The following F2RL3 variants were observed in gnomAD, a reference collection of about 807,000 sequenced individuals.
F2RL3 encodes the protein F2R like thrombin or trypsin receptor 3.
Under a neutral mutation model 4.9 loss-of-function variants are expected in F2RL3, and 3 were observed. That is an observed-to-expected ratio of 0.61 (90% CI 0.28 to 1.58). The LOEUF is 1.58. Ranked by LOEUF, F2RL3 falls within the 40% of genes most tolerant of loss-of-function variation. F2RL3 has a pLI of 0.11. For synonymous variants in F2RL3, 284 were observed against 278.4 expected, an observed-to-expected ratio of 1.02 and a Z score of -0.20; for missense variants, 564 against 550.4, an observed-to-expected ratio of 1.02 and a Z score of -0.25.
Position 16,890,642 on chromosome 19 carries a change from A to G in F2RL3, c.*21A>G. On this transcript the variant is annotated 3_prime_UTR_variant, in exon 2 of 2. Transcript: ENST00000248076. ...AGTGACACAAAGTGGGGAAGGCTGT[A>G]CTGGGTCGAACAGGGTCCCTTCCCC... The G allele has an allele frequency of 2.7e-6, 4 of 1,507,880 alleles. No homozygotes were observed. Among genetic ancestry groups the G allele is most frequent in the Non-Finnish European group, 3.6e-6 (4 of 1,121,654 alleles). 93.4% of individuals were successfully genotyped at this position (1,507,880 alleles called of 1,614,324 possible). A position where few individuals can be genotyped will look rare whatever the true frequency, so the allele number is the denominator to read the frequency against.
chr19:16,889,392 G>A (rs956926419), intron 1 of F2RL3, 94 bp downstream of exon 1: 69 of 1,266,002 alleles, frequency 5.5e-5, no homozygotes, highest in African/African-American at 5.9e-5. Context: ...GGGAAGTTGC[G>A]GGCTTCAGCC....
In F2RL3 at chr19:16,890,649, C is replaced by A; in HGVS notation, c.*28C>A. ...CAAAGTGGGGAAGGCTGTACTGGGTCGAACAGGGTCCCTTCCCCCACTTCA... is the reference window on the plus strand; with the variant it reads ...CAAAGTGGGGAAGGCTGTACTGGGTAGAACAGGGTCCCTTCCCCCACTTCA... On this transcript the variant is annotated 3_prime_UTR_variant, in exon 2 of 2. Coordinates refer to ENST00000248076, the MANE Select transcript of F2RL3 (RefSeq NM_003950.4). 6.8e-7 allele frequency: 1 copy of A among 1,473,050 alleles called. No homozygotes were observed. The highest frequency in any genetic ancestry group is 1.2e-5 in the South Asian group (1 of 80,404). 91.2% of individuals were successfully genotyped at this position (1,473,050 alleles called of 1,614,324 possible). A position where few individuals can be genotyped will look rare whatever the true frequency, so the allele number is the denominator to read the frequency against.
Position 16,889,372 on chromosome 19 carries a change from G to A in F2RL3, c.109+74G>A, listed in dbSNP as rs971271397. The stretch of plus-strand genomic sequence containing the variant: ...GGAGCTGGGGGCCCGGAGCTGGGGA[G>A]GGGGAGGCCGGGAAGTTGCGGGCTT... On this transcript the variant is annotated intron_variant, in intron 1 of 1. Transcript: ENST00000248076. The A allele has an allele frequency of 1.0e-5, 14 of 1,355,054 alleles. No individual in the cohort carries two copies. In the African/African-American group the frequency reaches 1.2e-4, roughly 11 times the overall value. The allele number at this position is 1,355,054 out of a possible 1,614,324, so 83.9% of individuals were successfully genotyped here.
chr19:16,889,500 G>A (rs2051757964), intron 1 of F2RL3, 73 bp from the exon 2 acceptor site: 2 of 1,420,444 alleles, frequency 1.4e-6, no homozygotes, highest in African/African-American at 1.4e-5. Flanking sequence ...CCCAGGCTCT[G>A]AGCACCTCCC....
In F2RL3 at chr19:16,890,748, C is replaced by G; in HGVS notation, c.*127C>G. The G allele has an allele frequency of 1.3e-6, 1 of 749,784 alleles. No homozygotes were observed. The highest frequency in any genetic ancestry group is 2.7e-5 in the East Asian group (1 of 37,278). 46.4% of individuals were successfully genotyped at this position (749,784 alleles called of 1,614,324 possible). ...TTACAACTGTCACTAGCGGAGGTCA[C>G]TTTGGAGAAGGGTGGGCCTTACATC... On this transcript the variant is annotated 3_prime_UTR_variant, in exon 2 of 2. Transcript: ENST00000248076.
In F2RL3 at chr19:16,889,243, C is replaced by A. The variant is rs751612733; in HGVS notation, c.54C>A (p.Gly18=). 4.2e-5 allele frequency: 67 copies of A among 1,593,758 alleles called. No homozygotes were observed. The Middle Eastern group carries it at 2.7e-3, about 63-fold the overall frequency. Residue 18 remains glycine (G), a synonymous_variant, in exon 1 of 2, where the codon GGC becomes GGA. Coordinates refer to ENST00000248076, the MANE Select transcript of F2RL3 (RefSeq NM_003950.4). ...TGGTGCTGGGGTTCAGCCTGTCTGG[C>A]GGCACCCAGACCCCCAGCGTCTACG... ...WPLVLGFSLS[G]GTQTPSVYDE... is the part of the protein sequence containing the mutation.
In F2RL3 at chr19:16,889,069, C is replaced by G; in HGVS notation, c.-121C>G. On this transcript the variant is annotated 5_prime_UTR_variant, in exon 1 of 2. Coordinates refer to ENST00000248076, the MANE Select transcript of F2RL3 (RefSeq NM_003950.4). ...GGTGGGTCTGCGGGGGCAGGGGCAG[C>G]CTTCCTGGTTTATCTCTACCGGCGC... 5.7e-6 allele frequency: 4 copies of G among 706,072 alleles called. No individual in the cohort carries two copies. The highest frequency in any genetic ancestry group is 8.8e-6 in the Non-Finnish European group (4 of 454,560). The allele number at this position is 706,072 out of a possible 1,614,324, so 43.7% of individuals were successfully genotyped here.
In F2RL3 at chr19:16,890,322, G is replaced by A. The variant is rs773093267; in HGVS notation, c.859G>A (p.Val287Met). ...RYGHALRLTA[V>M]VLASAVAFFV... Reference sequence around the variant, plus strand: ...CGGCCACGCGCTGAGGCTGACCGCAGTGGTGCTGGCCTCCGCCGTGGCCTT... The same window carrying A: ...CGGCCACGCGCTGAGGCTGACCGCAATGGTGCTGGCCTCCGCCGTGGCCTT... Residue 287 changes from valine to methionine, a missense_variant, in exon 2 of 2, where the codon GTG becomes ATG. Coordinates refer to ENST00000248076, the MANE Select transcript of F2RL3 (RefSeq NM_003950.4). 3 of 1,586,518 alleles carry A rather than the reference G, an allele frequency of 1.9e-6. No individual in the cohort carries two copies. The South Asian group carries it at 3.4e-5, about 18-fold the overall frequency.
chr19:16,889,362 G>A (rs1023723540), intron 1 of F2RL3, 64 bp downstream of exon 1: 7 of 1,416,556 alleles, frequency 4.9e-6, no homozygotes, highest in Non-Finnish European at 6.8e-6. Context: ...TGGGGGCCCG[G>A]AGCTGGGGAG....
Position 16,890,102 on chromosome 19 carries a change from G to A in F2RL3, c.639G>A (p.Leu213=). The change falls in exon 2 of 2, where the codon CTG becomes CTA. Residue 213 remains leucine, a synonymous_variant. Coordinates refer to ENST00000248076, the MANE Select transcript of F2RL3 (RefSeq NM_003950.4). ...MAAALALPLT[L]QRQTFRLARS... ...CCGCCCTGGCACTGCCCCTGACACT[G>A]CAGCGGCAGACCTTCCGGCTGGCGC... The A allele has an allele frequency of 6.3e-7, 1 of 1,597,750 alleles. No individual in the cohort carries two copies. The highest frequency in any genetic ancestry group is 2.2e-5 in the East Asian group (1 of 44,832).
intron 1 of F2RL3, 60 bp from the exon 2 acceptor site, chr19:16,889,513 C>A: frequency 6.8e-7 from 1 of 1,473,398 alleles, no homozygotes; most frequent in Non-Finnish European, 9.1e-7. Context: ...CACCTCCCTC[C>A]CTGCTGCTTC....
At position 16,889,030 on chromosome 19, in the gene F2RL3, T is replaced by TGGCA; in HGVS notation, c.-159_-156dup. The TGGCA allele has an allele frequency of 1.9e-6, 1 of 521,856 alleles. No individual in the cohort carries two copies. The highest frequency in any genetic ancestry group is 5.2e-4 in the Middle Eastern group (1 of 1,924). The allele number at this position is 521,856 out of a possible 1,614,324, so 32.3% of individuals were successfully genotyped here. A position where few individuals can be genotyped will look rare whatever the true frequency, so the allele number is the denominator to read the frequency against. On this transcript the variant is annotated 5_prime_UTR_variant, in exon 1 of 2. Transcript: ENST00000248076. ...CACTCCAGTCCTCCCACGGGCTGGC[T>TGGCA]GGCAAGCGGCCCTGGTGGGTCTGCG...
chr19:16,889,581 C>G lies in F2RL3; in HGVS notation c.118C>G (p.Pro40Ala). The G allele has an allele frequency of 6.3e-7, 1 of 1,575,054 alleles. No homozygotes were observed. The highest frequency in any genetic ancestry group is 2.3e-5 in the East Asian group (1 of 44,396). Residue 40 changes from proline (P) to alanine (A), a missense_variant, in exon 2 of 2, where the codon CCC (proline) becomes GCC (alanine). Transcript: ENST00000248076. ...TCCCCTCTCTCTCCCAGACAGCACG[C>G]CCTCAATCCTGCCTGCCCCCCGCGG... The part of the protein sequence containing the change: ...GSTGGGDDST[P>A]SILPAPRGYP...
chr19:16,889,812 A>G lies in F2RL3; in HGVS notation c.349A>G (p.Asn117Asp), dbSNP rs1052542370. Residue 117 changes from asparagine to aspartate, a missense_variant, in exon 2 of 2, where the codon AAC becomes GAC. Transcript: ENST00000248076. ...PRLPSTMLLM[N>D]LAAADLLLAL... Reference sequence around the variant, plus strand: ...GCTGCCCTCCACCATGCTGCTGATGAACCTCGCGGCTGCTGACCTCCTGCT... The same window carrying G: ...GCTGCCCTCCACCATGCTGCTGATGGACCTCGCGGCTGCTGACCTCCTGCT... 1.3e-6 allele frequency: 2 copies of G among 1,599,096 alleles called. No individual in the cohort carries two copies. Among genetic ancestry groups the G allele is most frequent in the African/African-American group, 2.7e-5 (2 of 74,744 alleles).
Position 16,890,667 on chromosome 19 carries a change from C to A in F2RL3, c.*46C>A. On this transcript the variant is annotated 3_prime_UTR_variant, in exon 2 of 2. Coordinates refer to ENST00000248076, the MANE Select transcript of F2RL3 (RefSeq NM_003950.4). ...ACTGGGTCGAACAGGGTCCCTTCCCCCACTTCACGTCCTTCCTGGGACCTC... is the reference window on the plus strand; with the variant it reads ...ACTGGGTCGAACAGGGTCCCTTCCCACACTTCACGTCCTTCCTGGGACCTC... 1 of 1,353,030 alleles carries A rather than the reference C, an allele frequency of 7.4e-7. No individual in the cohort carries two copies. The highest frequency in any genetic ancestry group is 1.0e-6 in the Non-Finnish European group (1 of 994,900). 83.8% of individuals were successfully genotyped at this position (1,353,030 alleles called of 1,614,324 possible). A position where few individuals can be genotyped will look rare whatever the true frequency, so the allele number is the denominator to read the frequency against.
chr19:16,889,925 C>A lies in F2RL3; in HGVS notation c.462C>A (p.Ala154=). Residue 154 remains alanine, a synonymous_variant, in exon 2 of 2, where the codon GCC becomes GCA. Transcript: ENST00000248076. The part of the protein sequence containing the change: ...FGEAACRLAT[A]ALYGHMYGSV... ...AGGCCGCCTGCCGCCTGGCCACGGC[C>A]GCACTCTATGGTCACATGTATGGCT... The A allele has an allele frequency of 6.3e-7, 1 of 1,585,474 alleles. No individual in the cohort carries two copies. The highest frequency in any genetic ancestry group is 8.5e-7 in the Non-Finnish European group (1 of 1,170,164).
intron 1 of F2RL3, 85 bp downstream of exon 1, chr19:16,889,383 G>T: frequency 7.7e-7 from 1 of 1,300,830 alleles, no homozygotes; most frequent in Non-Finnish European, 1.1e-6. Context: ...GGGGAGGCCG[G>T]GAAGTTGCGG....
In F2RL3 at chr19:16,892,604, C is replaced by A; in HGVS notation, c.*1983C>A. On this transcript the variant is annotated 3_prime_UTR_variant, in exon 2 of 2. Transcript: ENST00000248076. ...GTTGTAAGCCTTGCACGGGACAGAC[C>A]ACAAGGGGCCATGCCAGTGGCTGTG... The A allele has an allele frequency of 5.3e-6, 1 of 189,610 alleles. No homozygotes were observed. Among genetic ancestry groups the A allele is most frequent in the South Asian group, 1.1e-4 (1 of 9,356 alleles). The allele number at this position is 189,610 out of a possible 1,614,324, so 11.7% of individuals were successfully genotyped here.
At position 16,889,901 on chromosome 19, in the gene F2RL3, GGCCGCCT is replaced by G. The variant is rs2051764765; in HGVS notation, c.447_453del (p.Cys149TrpfsTer61). The G allele has an allele frequency of 6.3e-7, 1 of 1,582,466 alleles. No homozygotes were observed. The highest frequency in any genetic ancestry group is 8.5e-7 in the Non-Finnish European group (1 of 1,169,810). ...GTGGCCAGCGCTGGCCCTTCGGGGA[GGCCGCCT>G]GCCGCCTGGCCACGGCCGCACTCTA... On this transcript the variant is annotated frameshift_variant, in exon 2 of 2. Transcript: ENST00000248076. LOFTEE classifies it low-confidence loss of function (END_TRUNC).
Sources: gnomAD v4.1 joint callset for allele counts on GRCh38, gnomAD v4.1.1 for gene constraint, MANE v1.5 for transcripts, NCBI Gene and HGNC (gene_info 2026-07-23, HGNC 2026-07-21) for gene names.